Variants in SMARCC1 observed in about 807,000 individuals in gnomAD.
The protein encoded by SMARCC1 is SWI/SNF related BAF chromatin remodeling complex subunit C1, also known as SWI/SNF complex subunit SMARCC1.
Under a neutral mutation model 147.4 loss-of-function variants are expected in SMARCC1, and 43 were observed. That is an observed-to-expected ratio of 0.29 (90% CI 0.23 to 0.38). The LOEUF (loss-of-function observed/expected upper bound fraction) is 0.38, where lower values mean the gene tolerates loss of function less well. Among genes scored for constraint, SMARCC1 ranks in the 10% least tolerant of loss-of-function variants. The pLI, the probability that SMARCC1 is intolerant of heterozygous loss-of-function variation, is 1.00. For missense variants in SMARCC1, 1,119 were observed against 1,381.1 expected (o/e 0.81, Z 3.01); for synonymous variants, 495 against 484.4 (o/e 1.02, Z -0.29).
chr3:47,653,636 C>T (rs1392139681), intron 21 of SMARCC1, among the ~76,000 whole-genome samples: 1 of 152,164 alleles, frequency 6.6e-6, no homozygotes, highest in African/African-American at 2.4e-5. Flanking sequence ...GAAACATTTG[C>T]TGTTTTTCAA....
chr3:47,649,662 T>C (rs970055889), intron 21 of SMARCC1, among the ~76,000 whole-genome samples: 5 of 152,204 alleles, frequency 3.3e-5, no homozygotes, highest in Non-Finnish European at 5.9e-5. Flanking sequence ...AACACTTCAA[T>C]TAACTCAATC....
At chr3:47,764,549 A>T (rs552210139) in intron 2 of SMARCC1, among the ~76,000 whole-genome samples, 119 of 152,346 alleles carry the variant, frequency 7.8e-4, no homozygotes, top group African/African-American at 2.7e-3. Flanking sequence ...TTGATCATAT[A>T]GCTTTCCAGA....
intron 6 of SMARCC1, among the ~76,000 whole-genome samples, chr3:47,722,716 T>C (rs1472899077): frequency 2.0e-5 from 3 of 152,208 alleles, no homozygotes; most frequent in African/African-American, 4.8e-5. Flanking sequence ...TATAAATTTA[T>C]ACCCAAAAAT....
At chr3:47,605,290 C>T (rs1041054908) in intron 26 of SMARCC1, among the ~76,000 whole-genome samples, 3 of 152,202 alleles carry the variant, frequency 2.0e-5, no homozygotes, top group African/African-American at 4.8e-5. Flanking sequence ...TATCAAAAGA[C>T]GTGCTCATGT....
Position 47,763,088 on chromosome 3 carries a change from G to A in SMARCC1, c.315+9729C>T, listed in dbSNP as rs140073630. Among the ~76,000 whole-genome samples, 561 of 149,542 alleles carry A rather than the reference G, an allele frequency of 3.8e-3. 4 individuals are homozygous for A. The highest frequency in any genetic ancestry group is 0.013 in the African/African-American group (526 of 40,862). On this transcript the variant is annotated intron_variant, in intron 2 of 27. Coordinates refer to ENST00000254480, the MANE Select transcript of SMARCC1 (RefSeq NM_003074.4). ...CTCAAAAAAAAAAAAAAGAGAAAAC[G>A]TTGAATGATAGTTCCCTTAAAATAG... is the stretch of plus-strand genomic sequence containing the variant.
rs201116657 is a variant in SMARCC1 at position 47,678,305 on chromosome 3, C to T, written c.1464G>A (p.Leu488=). 1 of 1,568,266 alleles carries T rather than the reference C, an allele frequency of 6.4e-7. No individual in the cohort carries two copies. Among genetic ancestry groups the T allele is most frequent in the East Asian group, 2.3e-5 (1 of 43,058 alleles). ...KNKSKTPEIY[L]AYRNFMIDTY... ...TGTCAATCATAAAATTTCGATATGC[C>T]AAGTATCTAAAAAGCAATGGCAAAA... The change falls in exon 16 of 28, where the codon TTG becomes TTA. Residue 488 remains leucine (L), a synonymous_variant. Coordinates refer to ENST00000254480, the MANE Select transcript of SMARCC1 (RefSeq NM_003074.4).
chr3:47,758,144 G>C (rs1213317831), intron 2 of SMARCC1, among the ~76,000 whole-genome samples: 1 of 152,038 alleles, frequency 6.6e-6, no homozygotes, highest in Non-Finnish European at 1.5e-5. Context: ...AAAACAACAA[G>C]GGTCTCACTG....
At chr3:47,669,654 G>C (rs1309103224) in intron 19 of SMARCC1, among the ~76,000 whole-genome samples, 3 of 152,080 alleles carry the variant, frequency 2.0e-5, no homozygotes, top group African/African-American at 7.2e-5. Flanking sequence ...CACAAAACAA[G>C]GGATTGTTTT....
At chr3:47,591,611 T>C (rs912903821) in intron 26 of SMARCC1, among the ~76,000 whole-genome samples, 11 of 152,070 alleles carry the variant, frequency 7.2e-5, no homozygotes, top group East Asian at 5.8e-4. Flanking sequence ...GGCATGACCT[T>C]AGCTCATTGC....
At chr3:47,746,875 C>T (rs1290222413) in intron 2 of SMARCC1, among the ~76,000 whole-genome samples, 2 of 151,846 alleles carry the variant, frequency 1.3e-5, no homozygotes, top group Non-Finnish European at 2.9e-5. Flanking sequence ...GGATTATAGG[C>T]ATGCATGACC....
intron 6 of SMARCC1, among the ~76,000 whole-genome samples, chr3:47,725,039 A>T (rs936844649): frequency 6.7e-6 from 1 of 150,134 alleles, no homozygotes; most frequent in Non-Finnish European, 1.5e-5. Context: ...CCACAAAAAA[A>T]AAAAAAAAAA....
intron 21 of SMARCC1, among the ~76,000 whole-genome samples, chr3:47,657,867 C>G (rs2033284909): frequency 6.6e-6 from 1 of 151,622 alleles, no homozygotes; most frequent in African/African-American, 2.4e-5. Flanking sequence ...TAAATAAATA[C>G]AGCAAAACTT....
intron 1 of SMARCC1, among the ~76,000 whole-genome samples, chr3:47,776,881 T>C (rs1236705882): frequency 6.6e-6 from 1 of 151,890 alleles, no homozygotes; most frequent in African/African-American, 2.4e-5. Flanking sequence ...TTCAAGCAAT[T>C]CTCCTCCCTT....
At chr3:47,635,123 T>A in intron 24 of SMARCC1, 67 bp downstream of exon 24, 2 of 1,385,764 alleles carry the variant, frequency 1.4e-6, no homozygotes, top group Non-Finnish European at 2.0e-6. Flanking sequence ...ATGTTCCCAA[T>A]TAACTAAAAA....
intron 26 of SMARCC1, among the ~76,000 whole-genome samples, chr3:47,594,451 C>CT (rs2032237068): frequency 6.6e-6 from 1 of 152,186 alleles, no homozygotes; most frequent in Admixed American, 6.5e-5. Context: ...TAATTTTTGT[C>CT]TTTTTGTGCT....
intron 10 of SMARCC1, among the ~76,000 whole-genome samples, chr3:47,705,189 G>A (rs2106791842): frequency 6.6e-6 from 1 of 151,796 alleles, no homozygotes; most frequent in Admixed American, 6.6e-5. Context: ...GCTGGGCGTG[G>A]TGGCACGAGC....
At chr3:47,678,478 T>C (rs2033599786) in intron 15 of SMARCC1, 167 bp from the exon 16 acceptor site, 1 of 422,900 alleles carries the variant, frequency 2.4e-6, no homozygotes, top group Non-Finnish European at 4.2e-6. Context: ...TGAGTGAATT[T>C]AGAACCACGA....
chr3:47,753,451 T>G (rs1259900000), intron 2 of SMARCC1, among the ~76,000 whole-genome samples: 1 of 151,370 alleles, frequency 6.6e-6, no homozygotes, highest in Non-Finnish European at 1.5e-5. Flanking sequence ...CGATGGCTCA[T>G]GCCTGTAATC....
chr3:47,605,362 C>T (rs1382376894), intron 26 of SMARCC1, among the ~76,000 whole-genome samples: 2 of 152,188 alleles, frequency 1.3e-5, no homozygotes, highest in Admixed American at 6.5e-5. Context: ...AAATGTCCAA[C>T]AGAACAGACT....
Sources: gnomAD v4.1 joint callset for allele counts (sites outside exome capture counted in the v4.1 genomes callset) on GRCh38, gnomAD v4.1.1 for gene constraint, MANE v1.5 for transcripts, NCBI Gene and HGNC (gene_info 2026-07-23, HGNC 2026-07-21) for gene names.